The following MAD1L1 variants were observed in gnomAD, a reference collection of about 807,000 sequenced individuals.
MAD1L1 encodes mitotic arrest deficient 1 like 1.
A neutral mutation model predicts 96.9 loss-of-function variants in MAD1L1; 95 were observed. The observed-to-expected ratio is 0.98, with a 90% confidence interval of 0.83 to 1.16. The LOEUF is 1.16. MAD1L1 is among the 50% of genes most tolerant of loss of function. MAD1L1 has a pLI of 0.00. For missense variants in MAD1L1, 1,007 were observed against 954.4 expected (o/e 1.06, Z -0.73); for synonymous variants, 473 against 396.6 (o/e 1.19, Z -2.29).
intron 17 of MAD1L1, among the ~76,000 whole-genome samples, chr7:1,900,544 G>C (rs1464703180): frequency 5.9e-5 from 9 of 152,198 alleles, no homozygotes; most frequent in Non-Finnish European, 8.8e-5. Context: ...ATCAGGCTGT[G>C]AAATCTGAAG....
chr7:2,230,312 A>C (rs17791802), intron 2 of MAD1L1, 169 bp from the exon 3 acceptor site: 2 of 528,744 alleles, frequency 3.8e-6, no homozygotes, highest in East Asian at 6.1e-5. Context: ...CCATGCTGCC[A>C]ATTTACCAGA....
rs1245915183 is a variant in MAD1L1, at chr7:2,222,699, C to T, written c.347G>A (p.Arg116Gln). ...CATCTTCTCCTCCGCCCCGGCCTCC[C>T]GCTCCTGAAGCTGCCGGATGCGCGT... ...LLTRIRQLQEREAGAEEKMQE... is the reference protein window; with the variant it reads ...LLTRIRQLQEQEAGAEEKMQE... Residue 116 changes from arginine to glutamine, a missense_variant, in exon 5 of 19, where the codon CGG becomes CAG. By Grantham distance (43) the Arg-to-Gln change is conservative. Coordinates refer to ENST00000265854, the MANE Select transcript of MAD1L1 (RefSeq NM_001013836.2). 15 of 1,611,196 alleles carry T rather than the reference C, an allele frequency of 9.3e-6. No individual in the cohort carries two copies. The highest frequency in any genetic ancestry group is 2.2e-5 in the East Asian group (1 of 44,830).
rs375824768 is a variant in MAD1L1 at position 1,967,104 on chromosome 7, T to C, written c.1506-9385A>G. Among the ~76,000 whole-genome samples, 7 of 152,198 alleles carry C rather than the reference T, an allele frequency of 4.6e-5. No homozygotes were observed. In the East Asian group the frequency reaches 7.7e-4, roughly 17 times the overall value. ...GAAAACAAAACCTGTGGCATTTCCA[T>C]GTAGGTAGAGGGACAGCAGGAAGGG... On this transcript the variant is annotated intron_variant, in intron 15 of 18. Coordinates refer to ENST00000265854, the MANE Select transcript of MAD1L1 (RefSeq NM_001013836.2).
chr7:2,135,847 G>A (rs1473112418), intron 11 of MAD1L1, among the ~76,000 whole-genome samples: 5 of 152,252 alleles, frequency 3.3e-5, no homozygotes, highest in Admixed American at 2.0e-4. Flanking sequence ...CTTTGGAGGT[G>A]AGTCCAAGGA....
intron 18 of MAD1L1, among the ~76,000 whole-genome samples, chr7:1,890,605 G>A (rs1016179615): frequency 1.1e-4 from 16 of 152,214 alleles, no homozygotes; most frequent in Admixed American, 9.8e-4. Context: ...CAACATAACA[G>A]GCAAAGACAC....
chr7:1,886,054 G>T (rs538434525), intron 18 of MAD1L1, among the ~76,000 whole-genome samples: 1 of 152,186 alleles, frequency 6.6e-6, no homozygotes, highest in African/African-American at 2.4e-5. Flanking sequence ...CCTCGTCCGC[G>T]TATCAGGGCA....
intron 12 of MAD1L1, among the ~76,000 whole-genome samples, chr7:2,057,853 C>A (rs1784445319): frequency 6.6e-6 from 1 of 152,228 alleles, no homozygotes; most frequent in African/African-American, 2.4e-5. Flanking sequence ...ACCACGCTTA[C>A]TGATGGATTA....
chr7:1,937,265 G>A (rs912169054), intron 16 of MAD1L1, among the ~76,000 whole-genome samples: 5 of 152,198 alleles, frequency 3.3e-5, no homozygotes, highest in Admixed American at 2.0e-4. Flanking sequence ...TCCTGGCTGG[G>A]ATGAGACTGG....
Position 1,883,706 on chromosome 7 carries a change from G to C in MAD1L1, c.1998+14494C>G, listed in dbSNP as rs148138776. Among the ~76,000 whole-genome samples the C allele has an allele frequency of 9.8e-3, 1,499 of 152,326 alleles. 26 individuals are homozygous for C. Among genetic ancestry groups the C allele is most frequent in the African/African-American group, 0.033 (1,390 of 41,562 alleles). On this transcript the variant is annotated intron_variant, in intron 18 of 18. Coordinates refer to ENST00000265854, the MANE Select transcript of MAD1L1 (RefSeq NM_001013836.2). The stretch of plus-strand genomic sequence containing the variant: ...GGGGTCCAAAGCCTGATTTCACGGA[G>C]GCCGAGGCAGAGGGTGCAGGTCCAG...
intron 11 of MAD1L1, among the ~76,000 whole-genome samples, chr7:2,133,745 G>T (rs1788624423): frequency 6.6e-6 from 1 of 152,210 alleles, no homozygotes; most frequent in African/African-American, 2.4e-5. Flanking sequence ...TCTGTGTCTA[G>T]ATTTTTCCCC....
chr7:1,964,255 G>C (rs758084314), intron 15 of MAD1L1, among the ~76,000 whole-genome samples: 1 of 152,202 alleles, frequency 6.6e-6, no homozygotes, highest in Non-Finnish European at 1.5e-5. Context: ...GACTTAGGGA[G>C]ACGCTGGATG....
At chr7:1,834,996 G>A (rs1782875725) in intron 18 of MAD1L1, among the ~76,000 whole-genome samples, 1 of 152,010 alleles carries the variant, frequency 6.6e-6, no homozygotes, top group African/African-American at 2.4e-5. Context: ...AAGAATACAA[G>A]GTTGGTTTAA....
intron 18 of MAD1L1, among the ~76,000 whole-genome samples, chr7:1,871,281 C>A: frequency 7.1e-6 from 1 of 141,084 alleles, no homozygotes; most frequent in Admixed American, 7.1e-5. Flanking sequence ...ACGCTGAACC[C>A]ATTGTAACAC....
intron 14 of MAD1L1, among the ~76,000 whole-genome samples, chr7:1,989,210 G>A (rs774885423): frequency 3.3e-5 from 5 of 152,182 alleles, no homozygotes; most frequent in Non-Finnish European, 5.9e-5. Flanking sequence ...CCGCCAGGAC[G>A]GCTCTAACGA....
chr7:2,100,794 G>A (rs565169615), intron 11 of MAD1L1, among the ~76,000 whole-genome samples: 1 of 152,340 alleles, frequency 6.6e-6, no homozygotes, highest in South Asian at 2.1e-4. Flanking sequence ...AAGGGGGTTG[G>A]AGGGTGGGAG....
chr7:2,136,542 G>C (rs1287849174), intron 11 of MAD1L1, among the ~76,000 whole-genome samples: 1 of 152,244 alleles, frequency 6.6e-6, no homozygotes, highest in Non-Finnish European at 1.5e-5. Flanking sequence ...ACCAACTCGA[G>C]CTCAGGATGC....
intron 3 of MAD1L1, among the ~76,000 whole-genome samples, chr7:2,226,678 C>T (rs1203627708): frequency 1.3e-5 from 2 of 152,200 alleles, no homozygotes; most frequent in Non-Finnish European, 2.9e-5. Flanking sequence ...GACTACACCC[C>T]AGACCTACTC....
intron 10 of MAD1L1, among the ~76,000 whole-genome samples, chr7:2,162,870 A>AAGTT (rs1790233641): frequency 2.7e-5 from 4 of 147,594 alleles, no homozygotes. Context: ...TTGGAGTTTC[A>AAGTT]TCTTTTTTTT....
At chr7:1,887,861 A>ACATGTGTGTGTGGCTGCCTGGG (rs1554284099) in intron 18 of MAD1L1, among the ~76,000 whole-genome samples, 5 of 132,260 alleles carry the variant, frequency 3.8e-5, no homozygotes, top group East Asian at 4.8e-4. Context: ...GTGTGTGTGC[A>ACATGTGTGTGTGGCTGCCTGGG]CGTGTGTGTG....
Sources: gnomAD v4.1 joint callset for allele counts (sites outside exome capture counted in the v4.1 genomes callset) on GRCh38, gnomAD v4.1.1 for gene constraint, MANE v1.5 for transcripts, NCBI Gene and HGNC (gene_info 2026-07-23, HGNC 2026-07-21) for gene names.